Variants in VPS45 observed in about 807,000 individuals in gnomAD.
VPS45 encodes vacuolar protein sorting 45 homolog.
In VPS45, 35 loss-of-function variants were observed where a neutral mutation model predicts 75.9. The ratio of observed to expected loss-of-function variants is 0.46; its 90% CI spans 0.35 to 0.61. VPS45 has a LOEUF of 0.61. Among genes scored for constraint, VPS45 ranks in the 20% least tolerant of loss-of-function variants. VPS45 has a pLI of 0.00. For synonymous variants in VPS45, 220 were observed against 238.2 expected (o/e 0.92, Z 0.70); for missense variants, 559 against 685.9 (o/e 0.81, Z 2.07).
chr1:150,092,593 G>A (rs896034233), intron 12 of VPS45, 184 bp downstream of exon 12: 5 of 434,370 alleles, frequency 1.2e-5, no homozygotes, highest in Non-Finnish European at 2.0e-5. Flanking sequence ...CTGTCTTAGA[G>A]CCGTATCAAC....
In VPS45 at chr1:150,093,200, T is replaced by G. The variant is rs371453549; in HGVS notation, c.1372-327T>G. On this transcript the variant is annotated intron_variant, in intron 12 of 14. Coordinates refer to ENST00000644510, the MANE Select transcript of VPS45 (RefSeq NM_007259.5). The stretch of plus-strand genomic sequence containing the variant: ...ATTTTCCTGGGTATTTTCAGTCTTT[T>G]TTATACATAATCCTTTCCTTTTATT... Among the ~76,000 whole-genome samples, 8 of 152,134 alleles carry G rather than the reference T, an allele frequency of 5.3e-5. No homozygotes were observed. In the East Asian group the frequency reaches 7.7e-4, roughly 15 times the overall value.
chr1:150,093,493 A>G (rs1656454162), intron 12 of VPS45, 34 bp from the exon 13 acceptor site: 1 of 1,600,776 alleles, frequency 6.2e-7, no homozygotes, highest in Non-Finnish European at 8.5e-7. Context: ...CAATTTCCCA[A>G]AAATGACATA....
intron 13 of VPS45, chr1:150,110,139 A>G (rs2101608018): frequency 5.5e-6 from 1 of 181,680 alleles, no homozygotes; most frequent in Non-Finnish European, 1.2e-5. Context: ...ATACAAACAT[A>G]AAATTCTGCC....
intron 10 of VPS45, chr1:150,083,115 A>T (rs1035764676): frequency 4.6e-5 from 17 of 367,996 alleles, no homozygotes; most frequent in Non-Finnish European, 8.1e-5. Flanking sequence ...AGCCTAGTCT[A>T]CTAGAAAGAG....
rs1444122827 is a variant in VPS45, at chr1:150,127,079, G to A, written c.1625+16452G>A. ...AAAGCAACGGGTATGATGATAATTTGGTAAAACACTTAACCAAATTTTAAA... is the reference window on the plus strand; with the variant it reads ...AAAGCAACGGGTATGATGATAATTTAGTAAAACACTTAACCAAATTTTAAA... On this transcript the variant is annotated intron_variant, in intron 14 of 14. Coordinates refer to ENST00000644510, the MANE Select transcript of VPS45 (RefSeq NM_007259.5). Among the ~76,000 whole-genome samples the A allele has an allele frequency of 2.0e-4, 30 of 152,066 alleles. 1 individual carries two copies. Among genetic ancestry groups the A allele is most frequent in the Admixed American group, 1.9e-3 (29 of 15,262 alleles).
intron 13 of VPS45, among the ~76,000 whole-genome samples, chr1:150,095,310 T>C (rs1656559698): frequency 6.6e-6 from 1 of 152,104 alleles, no homozygotes; most frequent in African/African-American, 2.4e-5. Flanking sequence ...TAAGATGAGC[T>C]TTGAGTCATA....
At chr1:150,112,874 C>A (rs1422630925) in intron 14 of VPS45, among the ~76,000 whole-genome samples, 1 of 152,162 alleles carries the variant, frequency 6.6e-6, no homozygotes, top group Non-Finnish European at 1.5e-5. Context: ...ACAAAGGATA[C>A]AACTCAGGAA....
At chr1:150,089,636 A>T (rs782586297) in intron 10 of VPS45, among the ~76,000 whole-genome samples, 1 of 152,172 alleles carries the variant, frequency 6.6e-6, no homozygotes, top group Non-Finnish European at 1.5e-5. Flanking sequence ...TGTTGGGATT[A>T]CAGGTGTAAG....
intron 10 of VPS45, among the ~76,000 whole-genome samples, chr1:150,090,024 T>G (rs1656244344): frequency 6.6e-6 from 1 of 152,210 alleles, no homozygotes; most frequent in African/African-American, 2.4e-5. Flanking sequence ...CTAGTCAGTG[T>G]GAACAGAAGA....
chr1:150,069,549 C>T (rs1164504176), intron 2 of VPS45, among the ~76,000 whole-genome samples: 2 of 150,946 alleles, frequency 1.3e-5, no homozygotes, highest in Non-Finnish European at 3.0e-5. Flanking sequence ...CTCCGCCTCC[C>T]GGGTTCACGC....
intron 2 of VPS45, 134 bp from the exon 3 acceptor site, chr1:150,072,031 CA>C: frequency 8.3e-6 from 4 of 482,192 alleles, no homozygotes; most frequent in Non-Finnish European, 7.2e-6. Flanking sequence ...CCTTACCCAC[CA>C]ACATAAGCAC....
chr1:150,138,357 C>T lies in VPS45; in HGVS notation c.1626-6352C>T, dbSNP rs141809562. The stretch of plus-strand genomic sequence containing the variant: ...CTTCCAGGAACTATACTGTCTTGGT[C>T]GTCCTACCTCACTGGCCATTCCTTC... On this transcript the variant is annotated intron_variant, in intron 14 of 14. Coordinates refer to ENST00000644510, the MANE Select transcript of VPS45 (RefSeq NM_007259.5). Among the ~76,000 whole-genome samples, 360 of 152,260 alleles carry T rather than the reference C, an allele frequency of 2.4e-3. 1 individual carries two copies. Among genetic ancestry groups the T allele is most frequent in the Middle Eastern group, 0.017 (5 of 294 alleles).
chr1:150,137,463 G>A (rs1483968422), intron 14 of VPS45, among the ~76,000 whole-genome samples: 1 of 152,194 alleles, frequency 6.6e-6, no homozygotes, highest in Non-Finnish European at 1.5e-5. Flanking sequence ...ACTGCCTTCT[G>A]TCCTGTCATA....
At chr1:150,086,868 C>G (rs189891131) in intron 10 of VPS45, among the ~76,000 whole-genome samples, 86 of 152,032 alleles carry the variant, frequency 5.7e-4, no homozygotes, top group African/African-American at 2.0e-3. Flanking sequence ...CCAATTCCAT[C>G]TTACTGTCCT....
chr1:150,123,940 T>A (rs587684612), intron 14 of VPS45, among the ~76,000 whole-genome samples: 57 of 152,268 alleles, frequency 3.7e-4, no homozygotes, highest in Admixed American at 2.2e-3. Flanking sequence ...GAGCAACAAT[T>A]CTCTCGCTGC....
intron 7 of VPS45, 72 bp downstream of exon 7, chr1:150,077,851 TA>T: frequency 1.6e-6 from 2 of 1,239,120 alleles, no homozygotes; most frequent in Non-Finnish European, 2.3e-6. Flanking sequence ...GATAGGGAAG[TA>T]AAAACATGGT....
chr1:150,127,298 C>T (rs1658568060), intron 14 of VPS45, among the ~76,000 whole-genome samples: 1 of 148,624 alleles, frequency 6.7e-6, no homozygotes, highest in African/African-American at 2.5e-5. Context: ...TTTGTTAATT[C>T]TCATAATGAC....
At chr1:150,144,003 G>A (rs984447029) in intron 14 of VPS45, among the ~76,000 whole-genome samples, 12 of 152,066 alleles carry the variant, frequency 7.9e-5, no homozygotes, top group Non-Finnish European at 1.5e-4. Context: ...TCTTTATTAG[G>A]GCACATTATG....
At chr1:150,104,522 G>A (rs1657213663) in intron 13 of VPS45, among the ~76,000 whole-genome samples, 1 of 152,080 alleles carries the variant, frequency 6.6e-6, no homozygotes, top group African/African-American at 2.4e-5. Context: ...CCTTTGAGTA[G>A]ATACCCAGTA....
Sources: allele counts gnomAD v4.1 joint callset (sites outside exome capture counted in the v4.1 genomes callset), GRCh38; gene constraint gnomAD v4.1.1; transcripts MANE v1.5; gene names NCBI Gene and HGNC (gene_info 2026-07-23, HGNC 2026-07-21).